Variants in UBASH3B observed in about 807,000 individuals in gnomAD.
UBASH3B encodes the protein ubiquitin associated and SH3 domain containing B.
UBASH3B carries 37 observed loss-of-function variants against 83.4 expected under a neutral mutation model. The observed-to-expected ratio is 0.44, with a 90% CI of 0.34 to 0.58. The LOEUF (loss-of-function observed/expected upper bound fraction) is 0.58. UBASH3B is among the 20% of genes least tolerant of loss of function. The probability of loss-of-function intolerance (pLI) is 0.01; values close to 1 mark genes in which losing one functional copy is unlikely to be tolerated. For missense variants in UBASH3B, 657 were observed against 827.2 expected (o/e 0.79, Z 2.52); for synonymous variants, 304 against 318.3 (o/e 0.96, Z 0.48).
intron 1 of UBASH3B, among the ~76,000 whole-genome samples, chr11:122,702,059 C>T (rs762241558): frequency 2.6e-5 from 4 of 152,106 alleles, no homozygotes; most frequent in Non-Finnish European, 5.9e-5. Flanking sequence ...TGAAGACGAC[C>T]GTTTCTTTGA....
chr11:122,673,051 C>T (rs1863620506), intron 1 of UBASH3B, among the ~76,000 whole-genome samples: 1 of 152,228 alleles, frequency 6.6e-6, no homozygotes, highest in South Asian at 2.1e-4. Context: ...GAGCCCTCAG[C>T]ATTCGCTGGT....
intron 5 of UBASH3B, 80 bp downstream of exon 5, chr11:122,783,302 G>A: frequency 1.3e-6 from 2 of 1,510,670 alleles, no homozygotes; most frequent in Non-Finnish European, 1.8e-6. Context: ...GCAGGGAGAT[G>A]GGTACCTACA....
At chr11:122,720,526 G>A (rs1860606827) in intron 1 of UBASH3B, among the ~76,000 whole-genome samples, 1 of 152,228 alleles carries the variant, frequency 6.6e-6, no homozygotes, top group African/African-American at 2.4e-5. Flanking sequence ...CGTTCTCTGT[G>A]TTACAAAGTT....
In UBASH3B at chr11:122,690,201, TA is replaced by T. The variant is rs1250590213; in HGVS notation, c.161+33992del. Among the ~76,000 whole-genome samples the T allele has an allele frequency of 8.5e-3, 283 of 33,238 alleles. 6 individuals are homozygous for T. Among genetic ancestry groups the T allele is most frequent in the South Asian group, 0.055 (49 of 888 alleles). 21.8% of individuals were successfully genotyped at this position (33,238 alleles called of 152,430 possible). On this transcript the variant is annotated intron_variant, in intron 1 of 13. Transcript: ENST00000284273. ...ATATATATATATATATATATATATA[TA>T]TATATATCCAATTATATATATATAT...
intron 1 of UBASH3B, among the ~76,000 whole-genome samples, chr11:122,763,546 T>C (rs1287084762): frequency 6.6e-6 from 1 of 152,156 alleles, no homozygotes; most frequent in Non-Finnish European, 1.5e-5. Flanking sequence ...AAATTTTTTT[T>C]CCCTTTCTCT....
chr11:122,663,355 C>T (rs1863471605), intron 1 of UBASH3B, among the ~76,000 whole-genome samples: 2 of 152,216 alleles, frequency 1.3e-5, no homozygotes, highest in Admixed American at 1.3e-4. Context: ...TACATAATCA[C>T]TATTAAGTCT....
At position 122,706,198 on chromosome 11, in the gene UBASH3B, C is replaced by G. The variant is rs192032887; in HGVS notation, c.161+49988C>G. Among the ~76,000 whole-genome samples, 10 of 149,122 alleles carry G rather than the reference C, an allele frequency of 6.7e-5. No homozygotes were observed. In the East Asian group the frequency reaches 2.0e-3, roughly 29 times the overall value. On this transcript the variant is annotated intron_variant, in intron 1 of 13. Transcript: ENST00000284273. ...GTTGCGTGATCTCAGCTCACTGCAACCTTCACCTCCGGGTTCAAGCAATTT... is the reference window on the plus strand; with the variant it reads ...GTTGCGTGATCTCAGCTCACTGCAAGCTTCACCTCCGGGTTCAAGCAATTT...
intron 1 of UBASH3B, among the ~76,000 whole-genome samples, chr11:122,690,256 TTA>T (rs201574384): frequency 0.023 from 2,749 of 117,792 alleles, 102 homozygotes; most frequent in African/African-American, 0.063. Context: ...ATATATCCAA[TTA>T]TATATATATA....
intron 5 of UBASH3B, among the ~76,000 whole-genome samples, chr11:122,788,571 A>AAAT (rs956023632): frequency 4.6e-5 from 7 of 152,024 alleles, no homozygotes; most frequent in Non-Finnish European, 7.4e-5. Context: ...CTCTATCTCA[A>AAAT]AATAATAATA....
intron 1 of UBASH3B, among the ~76,000 whole-genome samples, chr11:122,661,800 G>C (rs1359048333): frequency 1.4e-5 from 2 of 146,562 alleles, no homozygotes; most frequent in Non-Finnish European, 1.5e-5. Context: ...ATTGCCATAA[G>C]AGCCTCAGGC....
intron 1 of UBASH3B, among the ~76,000 whole-genome samples, chr11:122,661,953 C>A (rs999501176): frequency 6.8e-5 from 10 of 146,870 alleles, no homozygotes; most frequent in Non-Finnish European, 1.5e-4. Context: ...GTTGCCCAAG[C>A]TGGAGTGCAA....
At chr11:122,784,931 G>A (rs961453069) in intron 5 of UBASH3B, among the ~76,000 whole-genome samples, 2 of 152,056 alleles carry the variant, frequency 1.3e-5, no homozygotes, top group Non-Finnish European at 2.9e-5. Flanking sequence ...CACGTAGAAC[G>A]AACCCTGAAG....
chr11:122,725,342 A>AAAAAAAAAAAAAAAAAAAAAAAAG (rs71281633), intron 1 of UBASH3B, among the ~76,000 whole-genome samples: 1 of 130,780 alleles, frequency 7.6e-6, no homozygotes, highest in Non-Finnish European at 1.6e-5. Flanking sequence ...AAAAAAAAAA[A>AAAAAAAAAAAAAAAAAAAAAAAAG]AAGAAAAGAA....
intron 7 of UBASH3B, 93 bp from the exon 8 acceptor site, chr11:122,796,063 T>G: frequency 6.5e-7 from 1 of 1,539,028 alleles, no homozygotes; most frequent in Non-Finnish European, 8.9e-7. Context: ...TGGCAGAACT[T>G]TGGTAGTAGA....
intron 10 of UBASH3B, among the ~76,000 whole-genome samples, chr11:122,800,535 CAG>C (rs1861237668): frequency 6.6e-6 from 1 of 151,436 alleles, no homozygotes. Context: ...GCCTAGGTGA[CAG>C]AGCAAGACTC....
At chr11:122,682,138 C>T (rs1257043659) in intron 1 of UBASH3B, among the ~76,000 whole-genome samples, 4 of 152,178 alleles carry the variant, frequency 2.6e-5, no homozygotes, top group Non-Finnish European at 4.4e-5. Flanking sequence ...TCTCCTCCTG[C>T]GTAGTACCCT....
At chr11:122,669,247 T>A (rs774047298) in intron 1 of UBASH3B, among the ~76,000 whole-genome samples, 10 of 152,214 alleles carry the variant, frequency 6.6e-5, no homozygotes, top group Non-Finnish European at 1.5e-4. Flanking sequence ...AGAACCGTGT[T>A]CTTCCTGGAA....
intron 1 of UBASH3B, among the ~76,000 whole-genome samples, chr11:122,732,183 A>AT (rs1437830394): frequency 1.3e-5 from 2 of 152,132 alleles, no homozygotes; most frequent in Admixed American, 1.3e-4. Flanking sequence ...ACCCATATGC[A>AT]TACATGTGAG....
At position 122,811,464 on chromosome 11, in the gene UBASH3B, T is replaced by C. The variant is rs1023026333; in HGVS notation, c.*1578T>C. 1 of 152,166 alleles carries C rather than the reference T, an allele frequency of 6.6e-6. No individual in the cohort carries two copies. The highest frequency in any genetic ancestry group is 2.4e-5 in the African/African-American group (1 of 41,440). 9.4% of individuals were successfully genotyped at this position (152,166 alleles called of 1,614,324 possible). ...AGGACATGAAAGGATGCTGGCTATA[T>C]ATGTTAATGAGCAAAAGGATTATAG... On this transcript the variant is annotated 3_prime_UTR_variant, in exon 14 of 14. Coordinates refer to ENST00000284273, the MANE Select transcript of UBASH3B (RefSeq NM_032873.5).
Sources: gnomAD v4.1 joint callset for allele counts (sites outside exome capture counted in the v4.1 genomes callset) on GRCh38, gnomAD v4.1.1 for gene constraint, MANE v1.5 for transcripts, NCBI Gene and HGNC (gene_info 2026-07-23, HGNC 2026-07-21) for gene names.